PLS1: variants seen among roughly 807,000 people sequenced by gnomAD.
PLS1 encodes plastin 1.
In PLS1, 32 loss-of-function variants were observed where a neutral mutation model predicts 73.7. The observed-to-expected ratio is 0.43, with a 90% CI of 0.33 to 0.58. The LOEUF (loss-of-function observed/expected upper bound fraction) is 0.58. Among genes scored for constraint, PLS1 ranks in the 20% least tolerant of loss-of-function variants. The pLI, the probability that PLS1 is intolerant of heterozygous loss-of-function variation, is 0.04. For missense variants in PLS1, 633 were observed against 740.5 expected, an observed-to-expected ratio of 0.85 and a Z score of 1.68; for synonymous variants, 217 against 261.3, an observed-to-expected ratio of 0.83 and a Z score of 1.63.
At position 142,601,061 on chromosome 3, in the gene PLS1, C is replaced by G. The variant is rs1339473480; in HGVS notation, c.-37+4552C>G. Among the ~76,000 whole-genome samples, 15 of 144,212 alleles carry G rather than the reference C, an allele frequency of 1.0e-4. 1 individual carries two copies. The highest frequency in any genetic ancestry group is 1.0e-3 in the Admixed American group (15 of 14,460). The allele number at this position is 144,212 out of a possible 152,430, so 94.6% of individuals were successfully genotyped here. On this transcript the variant is annotated intron_variant, in intron 1 of 15. Coordinates refer to ENST00000457734, the MANE Select transcript of PLS1 (RefSeq NM_001145319.2). ...GCCTCAGCCTCCCGAGTAGCTGGGA[C>G]TACAGGCACCCGCCACCACGCCCGG...
chr3:142,689,845 A>G (rs750508499), intron 10 of PLS1, 32 bp downstream of exon 10: 13 of 1,349,698 alleles, frequency 9.6e-6, no homozygotes, highest in South Asian at 6.8e-5. Context: ...TTGACTTGCT[A>G]TATTTATCTT....
intron 1 of PLS1, among the ~76,000 whole-genome samples, chr3:142,637,965 C>T (rs1010492834): frequency 1.3e-5 from 2 of 151,962 alleles, no homozygotes; most frequent in African/African-American, 4.8e-5. Flanking sequence ...TCACTGCTCT[C>T]GAAGAAGCTA....
At chr3:142,621,224 A>G (rs1014031356) in intron 1 of PLS1, among the ~76,000 whole-genome samples, 3 of 152,178 alleles carry the variant, frequency 2.0e-5, no homozygotes, top group Non-Finnish European at 4.4e-5. Flanking sequence ...GACAGTCTCC[A>G]TACTGTACAT....
intron 14 of PLS1, among the ~76,000 whole-genome samples, chr3:142,707,352 C>CATAAA (rs10696184): frequency 0.5 from 75,848 of 151,496 alleles, 20,647 homozygotes; most frequent in African/African-American, 0.73. Context: ...CCTTTTTAGC[C>CATAAA]ATAAATTTCC....
chr3:142,682,295 C>T (rs956675312), intron 6 of PLS1, among the ~76,000 whole-genome samples: 5 of 152,068 alleles, frequency 3.3e-5, no homozygotes, highest in African/African-American at 1.2e-4. Flanking sequence ...TTTTAGGTAG[C>T]GCCTGCAGTG....
intron 1 of PLS1, among the ~76,000 whole-genome samples, chr3:142,614,759 GT>G (rs753369077): frequency 4.3e-4 from 66 of 152,234 alleles, no homozygotes; most frequent in Non-Finnish European, 7.4e-4. Flanking sequence ...CGGCTATAGA[GT>G]GTGAGACCTG....
chr3:142,645,770 G>C (rs1444883678), intron 1 of PLS1, among the ~76,000 whole-genome samples: 1 of 152,160 alleles, frequency 6.6e-6, no homozygotes, highest in Non-Finnish European at 1.5e-5. Context: ...ATAGGAACAA[G>C]GTACTTTTTC....
intron 1 of PLS1, among the ~76,000 whole-genome samples, chr3:142,610,656 A>C (rs1008527564): frequency 5.9e-5 from 9 of 151,758 alleles, no homozygotes; most frequent in Admixed American, 5.3e-4. Flanking sequence ...CCCTTTCCCT[A>C]CTCTCTTCAG....
chr3:142,670,420 G>A (rs1215512123), intron 3 of PLS1, among the ~76,000 whole-genome samples: 1 of 152,158 alleles, frequency 6.6e-6, no homozygotes, highest in Non-Finnish European at 1.5e-5. Flanking sequence ...TATCCTAAAA[G>A]CAATAGGAAG....
intron 1 of PLS1, chr3:142,656,678 A>G (rs189846233): frequency 9.2e-5 from 14 of 152,352 alleles, no homozygotes; most frequent in South Asian, 2.1e-4. Flanking sequence ...AAATTCTTCA[A>G]CTATTTCATA....
intron 1 of PLS1, among the ~76,000 whole-genome samples, chr3:142,618,678 T>C (rs1419723537): frequency 1.8e-4 from 28 of 152,126 alleles, no homozygotes; most frequent in Admixed American, 1.8e-3. Flanking sequence ...ATGGTTCCTT[T>C]CCTTCATCTT....
intron 1 of PLS1, among the ~76,000 whole-genome samples, chr3:142,601,214 C>A (rs1035092106): frequency 6.6e-6 from 1 of 151,266 alleles, no homozygotes. Flanking sequence ...CATGAGCCAC[C>A]GCGCCCGGCC....
chr3:142,613,062 G>A (rs546433600), intron 1 of PLS1, among the ~76,000 whole-genome samples: 23 of 152,028 alleles, frequency 1.5e-4, no homozygotes, highest in Admixed American at 3.9e-4. Flanking sequence ...CACCGTGCCC[G>A]GCCAATTTTC....
At chr3:142,683,420 C>T (rs1392764525) in intron 6 of PLS1, among the ~76,000 whole-genome samples, 6 of 152,188 alleles carry the variant, frequency 3.9e-5, no homozygotes, top group Non-Finnish European at 8.8e-5. Context: ...AGGAGAATGG[C>T]GTGAGCCCAG....
intron 15 of PLS1, 116 bp downstream of exon 15, chr3:142,711,741 C>A (rs1933137833): frequency 7.7e-7 from 1 of 1,300,460 alleles, no homozygotes; most frequent in Non-Finnish European, 1.1e-6. Context: ...ATATGTGAGT[C>A]TTAGATTTAA....
chr3:142,649,819 C>CT (rs3830601), intron 1 of PLS1, among the ~76,000 whole-genome samples: 9,882 of 152,150 alleles, frequency 0.065, 437 homozygotes, highest in Middle Eastern at 0.16. Context: ...CACTGAGTTT[C>CT]TGGGATTAGG....
intron 1 of PLS1, among the ~76,000 whole-genome samples, chr3:142,623,859 A>G (rs1304797794): frequency 6.6e-6 from 1 of 152,188 alleles, no homozygotes; most frequent in African/African-American, 2.4e-5. Flanking sequence ...TAAAAATATT[A>G]GACTCATAAT....
intron 1 of PLS1, among the ~76,000 whole-genome samples, chr3:142,636,052 C>G (rs1008244674): frequency 4.7e-5 from 6 of 127,086 alleles, no homozygotes; most frequent in Non-Finnish European, 1.1e-4. Flanking sequence ...ATCACACCTG[C>G]TAATTTTTTT....
intron 6 of PLS1, among the ~76,000 whole-genome samples, chr3:142,678,666 C>G (rs967412466): frequency 1.3e-5 from 2 of 151,046 alleles, no homozygotes; most frequent in South Asian, 4.2e-4. Context: ...TTAATCCAGT[C>G]TATCATTGTT....
Sources: gnomAD v4.1 joint callset for allele counts (sites outside exome capture counted in the v4.1 genomes callset) on GRCh38, gnomAD v4.1.1 for gene constraint, MANE v1.5 for transcripts, NCBI Gene and HGNC (gene_info 2026-07-23, HGNC 2026-07-21) for gene names.